The following CALD1 variants were observed in gnomAD, a reference collection of about 807,000 sequenced individuals.
CALD1 encodes caldesmon.
In CALD1, 33 loss-of-function variants were observed where a neutral mutation model predicts 99.9. The ratio of observed to expected loss-of-function variants is 0.33; its 90% CI spans 0.25 to 0.44. The LOEUF (loss-of-function observed/expected upper bound fraction) is 0.44. Among genes scored for constraint, CALD1 ranks in the 20% least tolerant of loss-of-function variants. The pLI is 1.00. For missense variants in CALD1, 861 were observed against 962.1 expected, an observed-to-expected ratio of 0.89 and a Z score of 1.39; for synonymous variants, 310 against 325.0, an observed-to-expected ratio of 0.95 and a Z score of 0.50.
chr7:134,880,093 T>C lies in CALD1; in HGVS notation c.71+12289T>C, dbSNP rs1185110498. Among the ~76,000 whole-genome samples the C allele has an allele frequency of 4.6e-5, 7 of 152,248 alleles. 1 individual carries two copies. The highest frequency in any genetic ancestry group is 7.3e-5 in the Non-Finnish European group (5 of 68,038). On this transcript the variant is annotated intron_variant, in intron 3 of 14. Transcript: ENST00000361675. ...TGTCACATCTTCACTGGCTTCTGTT[T>C]TCCTGTACCATTTAGGAACTCAACT...
intron 3 of CALD1, among the ~76,000 whole-genome samples, chr7:134,887,282 G>A (rs897057334): frequency 3.9e-5 from 6 of 152,116 alleles, no homozygotes; most frequent in African/African-American, 9.7e-5. Context: ...AGATGCCGTC[G>A]TCTATGAGGG....
At chr7:134,736,074 T>C in the CALD1 span, among the ~76,000 whole-genome samples, 2 of 152,204 alleles carry the variant, frequency 1.3e-5, no homozygotes, top group Non-Finnish European at 2.9e-5. Flanking sequence ...TGGAGCCTCA[T>C]TGCTTCCTGC....
At chr7:134,716,834 T>C in the CALD1 span, among the ~76,000 whole-genome samples, 4 of 152,238 alleles carry the variant, frequency 2.6e-5, no homozygotes, top group Admixed American at 6.5e-5. Flanking sequence ...TAGTGAGTTC[T>C]AGAATTTACC....
chr7:134,769,499 T>C (rs946498038), intron 1 of CALD1, among the ~76,000 whole-genome samples: 1 of 152,236 alleles, frequency 6.6e-6, no homozygotes, highest in African/African-American at 2.4e-5. Context: ...AAATTGAACA[T>C]CATTTCAAGG....
At chr7:134,746,563 T>G (rs551928436) in intron 1 of CALD1, among the ~76,000 whole-genome samples, 2 of 152,034 alleles carry the variant, frequency 1.3e-5, no homozygotes, top group Non-Finnish European at 2.9e-5. Context: ...AGTTTTGAGG[T>G]GCATGCTAGA....
intron 13 of CALD1, 192 bp downstream of exon 13, chr7:134,960,820 A>G: frequency 1.9e-6 from 1 of 517,728 alleles, no homozygotes; most frequent in Non-Finnish European, 3.5e-6. Flanking sequence ...CTCAGAGGGT[A>G]AAATGGAACC....
intron 1 of CALD1, among the ~76,000 whole-genome samples, chr7:134,843,566 A>G (rs916490135): frequency 2.0e-5 from 3 of 152,202 alleles, no homozygotes; most frequent in African/African-American, 7.2e-5. Flanking sequence ...ATTCATTCTC[A>G]AATTTTGAAA....
At chr7:134,793,195 C>T (rs537008048) in intron 1 of CALD1, among the ~76,000 whole-genome samples, 1 of 152,210 alleles carries the variant, frequency 6.6e-6, no homozygotes, top group Non-Finnish European at 1.5e-5. Context: ...GAGGCAGCCA[C>T]AGAGGGACCT....
At chr7:134,737,662 G>A in the CALD1 span, among the ~76,000 whole-genome samples, 5 of 152,166 alleles carry the variant, frequency 3.3e-5, no homozygotes, top group East Asian at 7.7e-4. Context: ...GAATTCTAAT[G>A]TGAGTAGTAT....
intron 3 of CALD1, among the ~76,000 whole-genome samples, chr7:134,921,731 G>C (rs1289474596): frequency 6.6e-6 from 1 of 152,168 alleles, no homozygotes; most frequent in Non-Finnish European, 1.5e-5. Context: ...AGAATTACTT[G>C]AACCAGGAGG....
intron 1 of CALD1, among the ~76,000 whole-genome samples, chr7:134,838,411 C>T (rs149548282): frequency 6.6e-6 from 1 of 152,176 alleles, no homozygotes; most frequent in Non-Finnish European, 1.5e-5. Flanking sequence ...AAAAGAGCTA[C>T]AAGAAATAAT....
intron 1 of CALD1, among the ~76,000 whole-genome samples, chr7:134,827,713 T>A (rs1290364702): frequency 6.6e-6 from 1 of 152,152 alleles, no homozygotes; most frequent in Non-Finnish European, 1.5e-5. Flanking sequence ...TAAACAGAAA[T>A]GTCAGTCAAA....
At position 134,969,405 on chromosome 7, in the gene CALD1, C is replaced by A. The variant is rs1381457846; in HGVS notation, c.*1060C>A. The A allele has an allele frequency of 6.6e-6, 1 of 152,150 alleles. No individual in the cohort carries two copies. The highest frequency in any genetic ancestry group is 1.5e-5 in the Non-Finnish European group (1 of 68,018). The allele number at this position is 152,150 out of a possible 1,614,324, so 9.4% of individuals were successfully genotyped here. A position where few individuals can be genotyped will look rare whatever the true frequency, so the allele number is the denominator to read the frequency against. ...AAGCTCAAAGCCTACTTATTAGAAA[C>A]AATGAAGTTCACAATAGGTCATAAG... is the stretch of plus-strand genomic sequence containing the variant. On this transcript the variant is annotated 3_prime_UTR_variant, in exon 15 of 15. Coordinates refer to ENST00000361675, the MANE Select transcript of CALD1 (RefSeq NM_033138.4).
At chr7:134,863,348 C>A (rs1414577376) in intron 2 of CALD1, among the ~76,000 whole-genome samples, 1 of 152,246 alleles carries the variant, frequency 6.6e-6, no homozygotes, top group African/African-American at 2.4e-5. Context: ...TTAACTTATT[C>A]AGTGCCCCTG....
chr7:134,833,634 CTTAT>C (rs1799317073), intron 1 of CALD1, among the ~76,000 whole-genome samples: 2 of 152,200 alleles, frequency 1.3e-5, no homozygotes, highest in African/African-American at 4.8e-5. Context: ...GGAGACCTCA[CTTAT>C]TTATTCACTT....
chr7:134,964,645 A>T (rs1231629328), intron 13 of CALD1, among the ~76,000 whole-genome samples: 1 of 152,146 alleles, frequency 6.6e-6, no homozygotes, highest in Non-Finnish European at 1.5e-5. Context: ...GTGTGCACTA[A>T]AGTAGTAAGG....
At chr7:134,856,281 GAAT>G (rs1800297495) in intron 2 of CALD1, among the ~76,000 whole-genome samples, 1 of 152,190 alleles carries the variant, frequency 6.6e-6, no homozygotes, top group Non-Finnish European at 1.5e-5. Context: ...GTTTTTCCAG[GAAT>G]GCCCATGGCA....
chr7:134,894,519 T>C (rs1472326220), intron 3 of CALD1, among the ~76,000 whole-genome samples: 1 of 152,246 alleles, frequency 6.6e-6, no homozygotes, highest in Non-Finnish European at 1.5e-5. Context: ...TTTGCTTTGC[T>C]AGACGTACTA....
intron 7 of CALD1, among the ~76,000 whole-genome samples, chr7:134,945,131 G>T (rs2133096904): frequency 6.6e-6 from 1 of 152,270 alleles, no homozygotes; most frequent in African/African-American, 2.4e-5. Context: ...TCCCAATTCT[G>T]CAATGAAATC....
Sources: allele counts gnomAD v4.1 joint callset (sites outside exome capture counted in the v4.1 genomes callset), GRCh38; gene constraint gnomAD v4.1.1; transcripts MANE v1.5; gene names NCBI Gene and HGNC (gene_info 2026-07-23, HGNC 2026-07-21).